Variants in SIPA1L3 observed in about 807,000 individuals in gnomAD.
The protein encoded by SIPA1L3 is signal induced proliferation associated 1 like 3, also known as signal-induced proliferation-associated 1-like protein 3.
SIPA1L3 carries 59 observed loss-of-function variants against 150.1 expected under a neutral mutation model. That is an observed-to-expected ratio of 0.39 (90% CI 0.32 to 0.49). The LOEUF (loss-of-function observed/expected upper bound fraction) is 0.49. SIPA1L3 is among the 20% of genes least tolerant of loss of function. SIPA1L3 has a pLI of 0.86. For synonymous variants in SIPA1L3, 1,070 were observed against 1,077.6 expected (o/e 0.99, Z 0.14); for missense variants, 2,211 against 2,489.5 (o/e 0.89, Z 2.38).
intron 8 of SIPA1L3, among the ~76,000 whole-genome samples, chr19:38,111,632 T>C (rs1390438303): frequency 2.0e-5 from 3 of 152,182 alleles, no homozygotes; most frequent in Non-Finnish European, 4.4e-5. Context: ...GGGAGGGGCA[T>C]CCCAGCCTGC....
chr19:38,184,996 C>T (rs62123460), intron 16 of SIPA1L3: 3,226 of 152,842 alleles, frequency 0.021, 62 homozygotes, highest in Middle Eastern at 0.044. Flanking sequence ...ACACTGGCCT[C>T]TTGCTGTTCC....
chr19:37,992,691 A>AAACTCCAAGTTG (rs1967539593), intron 1 of SIPA1L3, among the ~76,000 whole-genome samples: 1 of 151,732 alleles, frequency 6.6e-6, no homozygotes, highest in Non-Finnish European at 1.5e-5. Flanking sequence ...TGGTTCTAGA[A>AAACTCCAAGTTG]AACTCCAAGT....
At chr19:38,106,477 G>A in intron 6 of SIPA1L3, 60 bp from the exon 7 acceptor site, 1 of 1,077,508 alleles carries the variant, frequency 9.3e-7, no homozygotes, top group Non-Finnish European at 1.4e-6. Context: ...ATGGTACGTG[G>A]GATATGGCAA....
Position 38,081,745 on chromosome 19 carries a change from C to T in SIPA1L3, c.180C>T (p.Thr60=), listed in dbSNP as rs780440383. The T allele has an allele frequency of 5.6e-6, 9 of 1,600,194 alleles. No individual in the cohort carries two copies. Among genetic ancestry groups the T allele is most frequent in the East Asian group, 2.3e-5 (1 of 44,106 alleles). Residue 60 remains threonine, a synonymous_variant, in exon 3 of 22, where the codon ACC becomes ACT. Coordinates refer to ENST00000222345, the MANE Select transcript of SIPA1L3 (RefSeq NM_015073.3). ...AGAGCCCGGCCACCGCCACCGCCACCGCCACCGCCACCACCCGCCCCAGCC... is the reference window on the plus strand; with the variant it reads ...AGAGCCCGGCCACCGCCACCGCCACTGCCACCGCCACCACCCGCCCCAGCC... ...LGESPATATA[T]ATATTRPSPT... is the part of the protein sequence containing the mutation.
intron 2 of SIPA1L3, among the ~76,000 whole-genome samples, chr19:38,033,669 ACGTATG>A (rs764426061): frequency 0.16 from 23,448 of 149,392 alleles, 1,838 homozygotes; most frequent in South Asian, 0.21. Context: ...CGAGAGAGAT[ACGTATG>A]TGTGTGTGTG....
chr19:38,174,155 T>G (rs1201681586), intron 15 of SIPA1L3, among the ~76,000 whole-genome samples: 1 of 152,060 alleles, frequency 6.6e-6, no homozygotes, highest in Non-Finnish European at 1.5e-5. Flanking sequence ...CAGTGGTTGG[T>G]GGAGGTAGCG....
intron 9 of SIPA1L3, among the ~76,000 whole-genome samples, chr19:38,126,342 A>G (rs886538254): frequency 1.3e-5 from 2 of 152,122 alleles, no homozygotes; most frequent in African/African-American, 4.8e-5. Flanking sequence ...ACAGTCCCAG[A>G]TGTATTTAGT....
chr19:38,122,909 G>A (rs996383241), intron 9 of SIPA1L3, among the ~76,000 whole-genome samples: 7 of 152,104 alleles, frequency 4.6e-5, no homozygotes, highest in Non-Finnish European at 1.0e-4. Flanking sequence ...CCCTCCCCTG[G>A]CTTGGAGCAC....
intron 18 of SIPA1L3, among the ~76,000 whole-genome samples, chr19:38,197,484 C>A (rs867755644): frequency 6.6e-6 from 1 of 152,078 alleles, no homozygotes; most frequent in Non-Finnish European, 1.5e-5. Flanking sequence ...CCTGCCCCCC[C>A]ACGGCAACCC....
intron 16 of SIPA1L3, among the ~76,000 whole-genome samples, chr19:38,189,324 G>A (rs1325979417): frequency 2.0e-5 from 3 of 151,844 alleles, no homozygotes; most frequent in African/African-American, 7.3e-5. Context: ...AGATCTCACT[G>A]TGTTACCCAG....
At chr19:38,094,105 A>G (rs1215330210) in intron 4 of SIPA1L3, among the ~76,000 whole-genome samples, 1 of 152,206 alleles carries the variant, frequency 6.6e-6, no homozygotes, top group African/African-American at 2.4e-5. Flanking sequence ...TTTTTATTTA[A>G]AAAGTACCAA....
intron 9 of SIPA1L3, among the ~76,000 whole-genome samples, chr19:38,122,212 C>T (rs1971037769): frequency 6.6e-6 from 1 of 152,156 alleles, no homozygotes; most frequent in Admixed American, 6.5e-5. Context: ...CAGAGCAAAA[C>T]TCTGTCTCAA....
In SIPA1L3 at chr19:38,178,293, C is replaced by T. The variant is rs145813178; in HGVS notation, c.4209-4226C>T. On this transcript the variant is annotated intron_variant, in intron 15 of 21. Transcript: ENST00000222345. ...TGGGGTGGGAGGATCATTTGAGCCC[C>T]GGAGTTCAAGACCAGCCTGGGCAAC... Among the ~76,000 whole-genome samples, 20 of 151,300 alleles carry T rather than the reference C, an allele frequency of 1.3e-4. No homozygotes were observed. In the East Asian group the frequency reaches 2.6e-3, roughly 19 times the overall value.
At chr19:37,919,937 C>T (rs1334754734) in intron 1 of SIPA1L3, among the ~76,000 whole-genome samples, 8 of 151,404 alleles carry the variant, frequency 5.3e-5, no homozygotes, top group South Asian at 2.1e-4. Flanking sequence ...CTCGAACTCC[C>T]GACCTTAGGT....
chr19:38,095,062 C>T (rs935723941), intron 4 of SIPA1L3, among the ~76,000 whole-genome samples: 7 of 152,016 alleles, frequency 4.6e-5, no homozygotes, highest in Non-Finnish European at 7.4e-5. Flanking sequence ...GCGACAAGAG[C>T]GAAACTCTGT....
At chr19:37,908,999 C>T (rs1312367233) in intron 1 of SIPA1L3, among the ~76,000 whole-genome samples, 2 of 152,206 alleles carry the variant, frequency 1.3e-5, no homozygotes, top group African/African-American at 2.4e-5. Context: ...CTCAGCATGT[C>T]CAACCTGAAC....
At chr19:38,123,570 C>T (rs1297046043) in intron 9 of SIPA1L3, among the ~76,000 whole-genome samples, 1 of 148,144 alleles carries the variant, frequency 6.8e-6, no homozygotes, top group Non-Finnish European at 1.5e-5. Flanking sequence ...TCAGAGAGCA[C>T]AGGGTTGGGG....
In SIPA1L3 at chr19:38,101,168, C is replaced by A; in HGVS notation, c.1971C>A (p.Ile657=). The stretch of plus-strand genomic sequence containing the variant: ...CCTTTGAGGAGTTCCTCTCCCTCAT[C>A]GGCGAGAAGGTCTGCCTGAAGGGCT... ...GPAFEEFLSL[I]GEKVCLKGFT... is the part of the protein sequence containing the mutation. Residue 657 remains isoleucine (I), a synonymous_variant, in exon 6 of 22, where the codon ATC becomes ATA. Coordinates refer to ENST00000222345, the MANE Select transcript of SIPA1L3 (RefSeq NM_015073.3). The A allele has an allele frequency of 6.2e-7, 1 of 1,608,934 alleles. No individual in the cohort carries two copies. The highest frequency in any genetic ancestry group is 2.2e-5 in the East Asian group (1 of 44,702).
chr19:37,965,594 G>C (rs1407901710), intron 1 of SIPA1L3, among the ~76,000 whole-genome samples: 3 of 152,090 alleles, frequency 2.0e-5, no homozygotes, highest in African/African-American at 4.8e-5. Flanking sequence ...GATTACAGGC[G>C]TGAGCCACTG....
Sources: allele counts gnomAD v4.1 joint callset (sites outside exome capture counted in the v4.1 genomes callset), GRCh38; gene constraint gnomAD v4.1.1; transcripts MANE v1.5; gene names NCBI Gene and HGNC (gene_info 2026-07-23, HGNC 2026-07-21).